The following PANK4 variants were observed in gnomAD, a reference collection of about 807,000 sequenced individuals.
PANK4 encodes the protein 4'-phosphopantetheine phosphatase.
In PANK4, 40 loss-of-function variants were observed where a neutral mutation model predicts 87.9. That is an observed-to-expected ratio of 0.46 (90% CI 0.35 to 0.59). The LOEUF is 0.59. PANK4 is among the 20% of genes least tolerant of loss of function. The pLI is 0.00. For synonymous variants in PANK4, 524 were observed against 467.4 expected (o/e 1.12, Z -1.56); for missense variants, 926 against 1,072.3 (o/e 0.86, Z 1.90).
At position 2,511,398 on chromosome 1, in the gene PANK4, G is replaced by C. The variant is rs747459409; in HGVS notation, c.1784-11C>G. 15 of 1,602,416 alleles carry C rather than the reference G, an allele frequency of 9.4e-6. No individual in the cohort carries two copies. In the African/African-American group the frequency reaches 1.1e-4, roughly 11 times the overall value. On this transcript the variant is annotated splice_polypyrimidine_tract_variant and intron_variant, in intron 14 of 18. Transcript: ENST00000378466. Reference sequence around the variant, plus strand: ...CGAGCCAGGGTCTTTCTGAGACAGAGAGAGGGACACATGATTAGCCCGGTG... The same window carrying C: ...CGAGCCAGGGTCTTTCTGAGACAGACAGAGGGACACATGATTAGCCCGGTG...
chr1:2,521,740 C>A lies in PANK4; in HGVS notation c.185G>T (p.Arg62Leu). The A allele has an allele frequency of 1.2e-6, 2 of 1,613,906 alleles. No homozygotes were observed. Among genetic ancestry groups the A allele is most frequent in the Non-Finnish European group, 1.7e-6 (2 of 1,179,942 alleles). Residue 62 changes from arginine (R) to leucine (L), a missense_variant, in exon 2 of 19, where the codon CGG becomes CTG. Transcript: ENST00000378466. ...CACCTTTCCGGAGTGGTCGAAAGAC[C>A]GCACCTTGGCGACTTTGTGCTGTAC... ...STVQHKVAKV[R>L]SFDHSGKDTE...
In PANK4 at chr1:2,520,445, A is replaced by G; in HGVS notation, c.607-31T>C. The G allele has an allele frequency of 6.3e-7, 1 of 1,577,412 alleles. No individual in the cohort carries two copies. Among genetic ancestry groups the G allele is most frequent in the Non-Finnish European group, 8.7e-7 (1 of 1,148,812 alleles). On this transcript the variant is annotated intron_variant, in intron 4 of 18. Coordinates refer to ENST00000378466, the MANE Select transcript of PANK4 (RefSeq NM_018216.4). The surrounding 1 kb of genome is among the most constrained non-coding windows in gnomAD (Gnocchi z 6.2). ...ACAGAGCCAGGGCAGGTGTGCCCTCAGTGGGCCCTCAGCCACACAGGCTCC... is the reference window on the plus strand; with the variant it reads ...ACAGAGCCAGGGCAGGTGTGCCCTCGGTGGGCCCTCAGCCACACAGGCTCC...
chr1:2,520,106 A>G lies in PANK4; in HGVS notation c.700-152T>C, dbSNP rs1052893485. 2 of 841,168 alleles carry G rather than the reference A, an allele frequency of 2.4e-6. No individual in the cohort carries two copies. Among genetic ancestry groups the G allele is most frequent in the Non-Finnish European group, 3.6e-6 (2 of 551,086 alleles). The allele number at this position is 841,168 out of a possible 1,614,324, so 52.1% of individuals were successfully genotyped here. ...CCAAAGGCAGGAGGCGGCAAGCGGG[A>G]CCCTCGGGCCACCCAGCCAGGATAG... On this transcript the variant is annotated intron_variant, in intron 5 of 18. Coordinates refer to ENST00000378466, the MANE Select transcript of PANK4 (RefSeq NM_018216.4). This position sits in a 1 kb window ranked among gnomAD's most constrained non-coding sequence, Gnocchi z 6.2.
chr1:2,510,377 C>A lies in PANK4; in HGVS notation c.1939-220G>T. On this transcript the variant is annotated intron_variant, in intron 16 of 18. Coordinates refer to ENST00000378466, the MANE Select transcript of PANK4 (RefSeq NM_018216.4). The surrounding 1 kb of genome is among the most constrained non-coding windows in gnomAD (Gnocchi z 4.9). ...GGGGCAGAGCTGAGTTTAGAGCCTG[C>A]CCCTGGGACCTGCCTGTCTGTGAAG... 1 of 587,502 alleles carries A rather than the reference C, an allele frequency of 1.7e-6. No individual in the cohort carries two copies. Among genetic ancestry groups the A allele is most frequent in the Non-Finnish European group, 3.0e-6 (1 of 335,632 alleles). 36.4% of individuals were successfully genotyped at this position (587,502 alleles called of 1,614,324 possible). A position where few individuals can be genotyped will look rare whatever the true frequency, so the allele number is the denominator to read the frequency against.
chr1:2,512,953 C>G lies in PANK4; in HGVS notation c.1662G>C (p.Gln554His). Residue 554 changes from glutamine (Q) to histidine (H), a missense_variant, in exon 13 of 19, where the codon CAG (glutamine) becomes CAC (histidine). Transcript: ENST00000378466. Reference sequence around the variant, plus strand: ...CCAGGAGGCCTTTCACCAGCGCCAGCTGCCGTTCCTCCCAGCCCAGCGCGT... The same window carrying G: ...CCAGGAGGCCTTTCACCAGCGCCAGGTGCCGTTCCTCCCAGCCCAGCGCGT... ...SLDALGWEER[Q>H]LALVKGLLAG... The G allele has an allele frequency of 6.2e-7, 1 of 1,612,706 alleles. No individual in the cohort carries two copies. Among genetic ancestry groups the G allele is most frequent in the African/African-American group, 1.3e-5 (1 of 75,068 alleles).
chr1:2,509,837 G>C lies in PANK4; in HGVS notation c.2108+25C>G, dbSNP rs776297029. On this transcript the variant is annotated intron_variant, in intron 18 of 18. Transcript: ENST00000378466. This position sits in a 1 kb window ranked among gnomAD's most constrained non-coding sequence, Gnocchi z 4.9. ...GAGGGCACAGAGCCCAGGAGGGAGA[G>C]AACAGGTGCAGGGTGCGGGGTTACC... is the stretch of plus-strand genomic sequence containing the variant. 6.2e-7 allele frequency: 1 copy of C among 1,603,132 alleles called. No homozygotes were observed. The highest frequency in any genetic ancestry group is 1.7e-5 in the Admixed American group (1 of 59,886).
At position 2,508,581 on chromosome 1, in the gene PANK4, C is replaced by A. The variant is rs1462560949; in HGVS notation, c.*266G>T. 1 of 196,466 alleles carries A rather than the reference C, an allele frequency of 5.1e-6. No individual in the cohort carries two copies. The highest frequency in any genetic ancestry group is 1.2e-4 in the East Asian group (1 of 8,374). 12.2% of individuals were successfully genotyped at this position (196,466 alleles called of 1,614,324 possible). Reference sequence around the variant, plus strand: ...TGGTGCGTGCCCACGGTGCTGCGTCCCGTCAGACATACCTGTATAGATCTC... The same window carrying A: ...TGGTGCGTGCCCACGGTGCTGCGTCACGTCAGACATACCTGTATAGATCTC... On this transcript the variant is annotated 3_prime_UTR_variant, in exon 19 of 19. Transcript: ENST00000378466. This position sits in a 1 kb window ranked among gnomAD's most constrained non-coding sequence, Gnocchi z 5.1.
chr1:2,511,354 C>G lies in PANK4; in HGVS notation c.1817G>C (p.Trp606Ser). The G allele has an allele frequency of 6.2e-7, 1 of 1,610,914 alleles. No individual in the cohort carries two copies. The highest frequency in any genetic ancestry group is 1.1e-5 in the South Asian group (1 of 91,038). The change falls in exon 15 of 19, where the codon TGG becomes TCG. Residue 606 changes from tryptophan (W) to serine (S), a missense_variant. Transcript: ENST00000378466. Reference sequence around the variant, plus strand: ...TCCACATACCTTTAATCTCTGAAGCCACTCGCTGTAGGAATCCACGAGCCA... The same window carrying G: ...TCCACATACCTTTAATCTCTGAAGCGACTCGCTGTAGGAATCCACGAGCCA... ...RPWLVDSYSE[W>S]LQRLKGPPHK...
At chr1:2,514,493 G>GT (rs1643724954) in intron 10 of PANK4, 27 bp from the exon 11 acceptor site, 1 of 1,545,962 alleles carries the variant, frequency 6.5e-7, no homozygotes, top group African/African-American at 1.4e-5. Flanking sequence ...GAGGGGGTTA[G>GT]TCAAGCGCTG....
Position 2,510,649 on chromosome 1 carries a change from A to C in PANK4, c.1938+29T>G. ...ACCGAGAGCAGAGAAGCCCAGGGGAAGGGCCCCACCCACCACCTCAACACT... is the reference window on the plus strand; with the variant it reads ...ACCGAGAGCAGAGAAGCCCAGGGGACGGGCCCCACCCACCACCTCAACACT... On this transcript the variant is annotated intron_variant, in intron 16 of 18. Coordinates refer to ENST00000378466, the MANE Select transcript of PANK4 (RefSeq NM_018216.4). The surrounding 1 kb of genome is among the most constrained non-coding windows in gnomAD (Gnocchi z 4.9). 1.9e-5 allele frequency: 25 copies of C among 1,282,668 alleles called. No individual in the cohort carries two copies. Among genetic ancestry groups the C allele is most frequent in the Non-Finnish European group, 2.4e-5 (21 of 882,062 alleles). The allele number at this position is 1,282,668 out of a possible 1,614,324, so 79.5% of individuals were successfully genotyped here.
chr1:2,524,035 G>C (rs905921645), intron 1 of PANK4, among the ~76,000 whole-genome samples: 2 of 152,142 alleles, frequency 1.3e-5, no homozygotes, highest in African/African-American at 4.8e-5. Flanking sequence ...TTTCCTCTTT[G>C]GGCACCAATG....
chr1:2,521,674 G>A (rs1279250099), intron 2 of PANK4, 44 bp downstream of exon 2: 1 of 1,463,022 alleles, frequency 6.8e-7, no homozygotes, highest in South Asian at 1.1e-5. Context: ...CAAGACGACA[G>A]AGAAGCGGCT....
Position 2,518,075 on chromosome 1 carries a change from C to T in PANK4, c.1218+89G>A, listed in dbSNP as rs564424007. On this transcript the variant is annotated intron_variant, in intron 9 of 18. Coordinates refer to ENST00000378466, the MANE Select transcript of PANK4 (RefSeq NM_018216.4). ...CAGAGGCGCCTTTCAGCCGGGACAG[C>T]CACAAGAGGCTTCGCTCAGGGACAG... 2.6e-4 allele frequency: 198 copies of T among 748,540 alleles called. 2 individuals carry two copies. The Middle Eastern group carries it at 2.7e-3, about 10-fold the overall frequency. 46.4% of individuals were successfully genotyped at this position (748,540 alleles called of 1,614,324 possible).
In PANK4 at chr1:2,519,761, C is replaced by T; in HGVS notation, c.853+40G>A. On this transcript the variant is annotated intron_variant, in intron 6 of 18. Coordinates refer to ENST00000378466, the MANE Select transcript of PANK4 (RefSeq NM_018216.4). This position sits in a 1 kb window ranked among gnomAD's most constrained non-coding sequence, Gnocchi z 8.3. ...CTGTCCGTGAGACCCCAAGTGTCCC[C>T]ACCATCCTGCTCTCTGGCGGCAGAG... 3 of 1,527,906 alleles carry T rather than the reference C, an allele frequency of 2.0e-6. No homozygotes were observed. The highest frequency in any genetic ancestry group is 2.6e-6 in the Non-Finnish European group (3 of 1,136,148). The allele number at this position is 1,527,906 out of a possible 1,614,324, so 94.6% of individuals were successfully genotyped here.
In PANK4 at chr1:2,519,672, G is replaced by A; in HGVS notation, c.853+129C>T. ...CGACTCGGCAGGAAGAGGTTACAGGGCTGACACCCAAGACCCCGACTCTCC... is the reference window on the plus strand; with the variant it reads ...CGACTCGGCAGGAAGAGGTTACAGGACTGACACCCAAGACCCCGACTCTCC... On this transcript the variant is annotated intron_variant, in intron 6 of 18. Transcript: ENST00000378466. This position sits in a 1 kb window ranked among gnomAD's most constrained non-coding sequence, Gnocchi z 8.3. 1.0e-6 allele frequency: 1 copy of A among 959,734 alleles called. No homozygotes were observed. The highest frequency in any genetic ancestry group is 1.5e-6 in the Non-Finnish European group (1 of 664,036). The allele number at this position is 959,734 out of a possible 1,614,324, so 59.5% of individuals were successfully genotyped here.
rs1484458034 is a variant in PANK4, at chr1:2,520,758, G to C, written c.571C>G (p.Leu191Val). The C allele has an allele frequency of 6.2e-7, 1 of 1,613,466 alleles. No individual in the cohort carries two copies. The highest frequency in any genetic ancestry group is 8.5e-7 in the Non-Finnish European group (1 of 1,179,862). Residue 191 changes from leucine (L) to valine (V), a missense_variant, in exon 4 of 19, where the codon CTT becomes GTT. Coordinates refer to ENST00000378466, the MANE Select transcript of PANK4 (RefSeq NM_018216.4). The surrounding 1 kb of genome is among the most constrained non-coding windows in gnomAD (Gnocchi z 6.2). The stretch of plus-strand genomic sequence containing the variant: ...GAGACTCCAGAGCCGATATTGACAA[G>C]AAGATAGGGGAAAATGTGGGGGTGG... ...TNHPHIFPYL[L>V]VNIGSGVSIV... is the part of the protein sequence containing the mutation.
chr1:2,525,929 G>A (rs1006656978), intron 1 of PANK4: 9 of 152,240 alleles, frequency 5.9e-5, no homozygotes, highest in African/African-American at 1.9e-4. Context: ...CCTGTGCACG[G>A]ACTGTCCGGC....
Position 2,510,855 on chromosome 1 carries a change from C to T in PANK4, c.1834-73G>A, listed in dbSNP as rs534620322. The T allele has an allele frequency of 2.7e-4, 236 of 879,782 alleles. No homozygotes were observed. In the Admixed American group the frequency reaches 3.8e-3, roughly 14 times the overall value. The allele number at this position is 879,782 out of a possible 1,614,324, so 54.5% of individuals were successfully genotyped here. A position where few individuals can be genotyped will look rare whatever the true frequency, so the allele number is the denominator to read the frequency against. On this transcript the variant is annotated intron_variant, in intron 15 of 18. Transcript: ENST00000378466. This position sits in a 1 kb window ranked among gnomAD's most constrained non-coding sequence, Gnocchi z 4.9. ...CGAGTCAGTCCGCACCCCTGCTGCC[C>T]GTCACGCTGCCCTGCAGGGGCCGAG... is the stretch of plus-strand genomic sequence containing the variant.
rs1486918715 is a variant in PANK4, at chr1:2,509,566, G to A, written c.2108+296C>T. ...CGGAGGTGACAGACACCGGGCAGCTGCCCAGGTCGCCCTCGGTCTCAGCTG... is the reference window on the plus strand; with the variant it reads ...CGGAGGTGACAGACACCGGGCAGCTACCCAGGTCGCCCTCGGTCTCAGCTG... On this transcript the variant is annotated intron_variant, in intron 18 of 18. Transcript: ENST00000378466. This position sits in a 1 kb window ranked among gnomAD's most constrained non-coding sequence, Gnocchi z 4.9. 6.6e-6 allele frequency among the ~76,000 whole-genome samples: 1 copy of A among 152,208 alleles called. No homozygotes were observed. The highest frequency in any genetic ancestry group is 2.1e-4 in the South Asian group (1 of 4,834).
Sources: gnomAD v4.1 joint callset for allele counts (sites outside exome capture counted in the v4.1 genomes callset) on GRCh38, gnomAD v4.1.1 for gene constraint, Gnocchi (gnomAD v3.1) non-coding constraint, MANE v1.5 for transcripts, NCBI Gene and HGNC (gene_info 2026-07-23, HGNC 2026-07-21) for gene names.